The following ARID5B variants were observed in gnomAD, a reference collection of about 807,000 sequenced individuals.
ARID5B encodes AT-rich interactive domain-containing protein 5B.
In ARID5B, 13 loss-of-function variants were observed where a neutral mutation model predicts 97.2. The observed-to-expected ratio is 0.13, with a 90% CI of 0.09 to 0.21. The LOEUF is 0.21. Among genes scored for constraint, ARID5B ranks in the 10% least tolerant of loss-of-function variants. The pLI, the probability that ARID5B is intolerant of heterozygous loss-of-function variation, is 1.00. For synonymous variants in ARID5B, 556 were observed against 570.3 expected, an observed-to-expected ratio of 0.97 and a Z score of 0.36; for missense variants, 1,210 against 1,465.3, an observed-to-expected ratio of 0.83 and a Z score of 2.84.
At chr10:61,945,626 T>C (rs1424110199) in intron 3 of ARID5B, among the ~76,000 whole-genome samples, 1 of 152,224 alleles carries the variant, frequency 6.6e-6, no homozygotes, top group Non-Finnish European at 1.5e-5. Context: ...ATATTGTTTA[T>C]ACATTCAGCT....
chr10:61,912,145 G>T (rs1843816248), intron 2 of ARID5B, among the ~76,000 whole-genome samples: 1 of 152,168 alleles, frequency 6.6e-6, no homozygotes, highest in African/African-American at 2.4e-5. Flanking sequence ...AGCATATGTT[G>T]TTTCACAAGC....
At chr10:61,952,260 A>G (rs1412391713) in intron 3 of ARID5B, among the ~76,000 whole-genome samples, 4 of 152,156 alleles carry the variant, frequency 2.6e-5, no homozygotes, top group African/African-American at 9.7e-5. Context: ...CCTTTCTAGG[A>G]GTCCTACCTG....
At position 62,091,600 on chromosome 10, in the gene ARID5B, C is replaced by T; in HGVS notation, c.2137C>T (p.Pro713Ser). 6.2e-7 allele frequency: 1 copy of T among 1,613,318 alleles called. No individual in the cohort carries two copies. Among genetic ancestry groups the T allele is most frequent in the Non-Finnish European group, 8.5e-7 (1 of 1,179,708 alleles). Residue 713 changes from proline to serine, a missense_variant, in exon 10 of 10, where the codon CCA becomes TCA. Physicochemically the swap from Pro to Ser is moderately conservative, Grantham distance 74 (BLOSUM62 -1). Coordinates refer to ENST00000279873, the MANE Select transcript of ARID5B (RefSeq NM_032199.3). The part of the protein sequence containing the change: ...SLSSSYPYGS[P>S]PPLISKKKLI... ...CTCCAGCAGCTACCCTTATGGCTCC[C>T]CACCCCCTTTGATCAGCAAAAAGAA...
Position 61,902,263 on chromosome 10 carries a change from C to A in ARID5B, c.126C>A (p.Phe42Leu). 1 of 1,614,062 alleles carries A rather than the reference C, an allele frequency of 6.2e-7. No homozygotes were observed. The highest frequency in any genetic ancestry group is 8.5e-7 in the Non-Finnish European group (1 of 1,180,016). The change falls in exon 2 of 10, where the codon TTC (phenylalanine) becomes TTA (leucine). Residue 42 changes from phenylalanine (F) to leucine (L), a missense_variant. Transcript: ENST00000279873. ...GAATTTTGTCCCTTGGCGACTTTTTCTTTGTAAGATGTACGCCAAAGGATC... is the reference window on the plus strand; with the variant it reads ...GAATTTTGTCCCTTGGCGACTTTTTATTTGTAAGATGTACGCCAAAGGATC... ...KPRILSLGDFFFVRCTPKDPI... is the reference protein window; with the variant it reads ...KPRILSLGDFLFVRCTPKDPI...
At chr10:62,041,885 G>A (rs1033071128) in intron 4 of ARID5B, among the ~76,000 whole-genome samples, 3 of 152,170 alleles carry the variant, frequency 2.0e-5, no homozygotes, top group African/African-American at 7.2e-5. Flanking sequence ...GTACAAAAAT[G>A]TTGCTTTCAC....
rs1275592574 is a variant in ARID5B, at chr10:62,057,260, A to G, written c.990A>G (p.Lys330=). ...AAGCCTTCTTGGTGGCACTTTATAA[A>G]TACATGAAAGAAAGGAAAACGCCGA... is the stretch of plus-strand genomic sequence containing the variant. The part of the protein sequence containing the change: ...DEQAFLVALY[K]YMKERKTPIE... Residue 330 remains lysine (K), a synonymous_variant, in exon 6 of 10, where the codon AAA becomes AAG. Transcript: ENST00000279873. 6.2e-7 allele frequency: 1 copy of G among 1,613,914 alleles called. No individual in the cohort carries two copies. The highest frequency in any genetic ancestry group is 1.7e-5 in the Admixed American group (1 of 60,014).
chr10:62,024,273 A>G (rs1272816656), intron 4 of ARID5B, among the ~76,000 whole-genome samples: 1 of 152,228 alleles, frequency 6.6e-6, no homozygotes, highest in Non-Finnish European at 1.5e-5. Flanking sequence ...ATACATTTAT[A>G]TTTGTACACA....
intron 3 of ARID5B, among the ~76,000 whole-genome samples, chr10:61,996,195 T>C (rs116287059): frequency 0.01 from 1,598 of 152,242 alleles, 33 homozygotes; most frequent in African/African-American, 0.036. Flanking sequence ...AATTGCAGTG[T>C]TCCAAAATAA....
intron 4 of ARID5B, among the ~76,000 whole-genome samples, chr10:62,011,954 A>G (rs1839223177): frequency 2.0e-5 from 3 of 152,132 alleles, no homozygotes; most frequent in African/African-American, 7.2e-5. Context: ...TCTTCCATAA[A>G]CCAGATGCTC....
chr10:62,065,296 G>A (rs898489769), intron 7 of ARID5B, among the ~76,000 whole-genome samples: 74 of 152,258 alleles, frequency 4.9e-4, no homozygotes, highest in Middle Eastern at 3.4e-3. Flanking sequence ...ATGGTTAATT[G>A]TGTGAAGTTA....
intron 4 of ARID5B, among the ~76,000 whole-genome samples, chr10:62,006,877 G>A (rs1481595107): frequency 1.3e-5 from 2 of 152,090 alleles, no homozygotes; most frequent in Non-Finnish European, 2.9e-5. Flanking sequence ...TAGCTGAGTG[G>A]GCTCAATGGG....
chr10:61,954,284 G>C (rs980883543), intron 3 of ARID5B, among the ~76,000 whole-genome samples: 1 of 152,102 alleles, frequency 6.6e-6, no homozygotes, highest in East Asian at 1.9e-4. Context: ...TTGAACCTGG[G>C]GGGTGGGGGT....
intron 5 of ARID5B, among the ~76,000 whole-genome samples, chr10:62,056,234 T>A (rs1395465356): frequency 1.3e-5 from 2 of 152,192 alleles, no homozygotes; most frequent in Non-Finnish European, 2.9e-5. Flanking sequence ...ATCTGGAGAC[T>A]TTACCGCCTT....
At chr10:61,940,081 A>T in intron 2 of ARID5B, 102 bp from the exon 3 acceptor site, 1 of 1,034,076 alleles carries the variant, frequency 9.7e-7, no homozygotes, top group Non-Finnish European at 1.5e-6. Flanking sequence ...GCATTAGGTT[A>T]AACCACTCAC....
chr10:62,059,921 A>G (rs1230066676), intron 7 of ARID5B, among the ~76,000 whole-genome samples: 1 of 152,208 alleles, frequency 6.6e-6, no homozygotes, highest in African/African-American at 2.4e-5. Context: ...GAACCAATGA[A>G]ACATTACAGC....
Position 62,057,257 on chromosome 10 carries a change from T to C in ARID5B, c.987T>C (p.Tyr329=). The C allele has an allele frequency of 6.2e-7, 1 of 1,604,712 alleles. No individual in the cohort carries two copies. The highest frequency in any genetic ancestry group is 8.5e-7 in the Non-Finnish European group (1 of 1,174,528). ...ADEQAFLVAL[Y]KYMKERKTPI... ...AACAAGCCTTCTTGGTGGCACTTTA[T>C]AAATACATGAAAGAAAGGAAAACGC... Residue 329 remains tyrosine (Y), a synonymous_variant, in exon 6 of 10, where the codon TAT becomes TAC. Coordinates refer to ENST00000279873, the MANE Select transcript of ARID5B (RefSeq NM_032199.3).
rs1554842858 is a variant in ARID5B, at chr10:61,991,041, T to TATACACACACACACACACAC, written c.503-9049_503-9048insTACACACACACACACACACA. ...AAGTGGAATCACAATATTTATCCTGTACACACACACACACACACACACACA... is the reference window on the plus strand; with the variant it reads ...AAGTGGAATCACAATATTTATCCTGTATACACACACACACACACACACACACACACACACACACACACACA... On this transcript the variant is annotated intron_variant, in intron 3 of 9. Coordinates refer to ENST00000279873, the MANE Select transcript of ARID5B (RefSeq NM_032199.3). Among the ~76,000 whole-genome samples, 538 of 145,148 alleles carry TATACACACACACACACACAC rather than the reference T, an allele frequency of 3.7e-3. 4 individuals carry two copies. The highest frequency in any genetic ancestry group is 7.7e-3 in the East Asian group (38 of 4,908).
At position 61,941,197 on chromosome 10, in the gene ARID5B, G is replaced by A. The variant is rs562122458; in HGVS notation, c.502+789G>A. On this transcript the variant is annotated intron_variant, in intron 3 of 9. Transcript: ENST00000279873. The stretch of plus-strand genomic sequence containing the variant: ...TATTGTGAGATGTGAGATAGAAGGG[G>A]TAGAGCACATTGACTGGCATAAAGG... 1.1e-4 allele frequency among the ~76,000 whole-genome samples: 17 copies of A among 150,458 alleles called. 1 individual carries two copies. The South Asian group carries it at 3.2e-3, about 28-fold the overall frequency.
intron 3 of ARID5B, among the ~76,000 whole-genome samples, chr10:61,981,907 G>T (rs1838782228): frequency 1.3e-5 from 2 of 152,212 alleles, no homozygotes; most frequent in Non-Finnish European, 2.9e-5. Context: ...CATGGTGGGA[G>T]AGACTTTGGT....
Sources: gnomAD v4.1 joint callset for allele counts (sites outside exome capture counted in the v4.1 genomes callset) on GRCh38, gnomAD v4.1.1 for gene constraint, MANE v1.5 for transcripts, NCBI Gene and HGNC (gene_info 2026-07-23, HGNC 2026-07-21) for gene names.